The following GLMN variants were observed in gnomAD, a reference collection of about 807,000 sequenced individuals.
GLMN encodes the protein glomulin.
In GLMN, 75 loss-of-function variants were observed where a neutral mutation model predicts 87.8. The observed-to-expected ratio is 0.85, with a 90% CI of 0.71 to 1.04. GLMN has a LOEUF of 1.04. GLMN is among the 50% of genes least tolerant of loss of function. GLMN has a pLI of 0.00. For synonymous variants in GLMN, 206 were observed against 221.6 expected (o/e 0.93, Z 0.63); for missense variants, 588 against 658.8 (o/e 0.89, Z 1.18).
chr1:92,287,199 A>G (rs983497600), intron 6 of GLMN, among the ~76,000 whole-genome samples: 12 of 152,212 alleles, frequency 7.9e-5, no homozygotes, highest in Non-Finnish European at 1.6e-4. Flanking sequence ...TCATTAGTTC[A>G]AAGAAAAAAT....
chr1:92,285,165 G>T (rs1648577159), intron 7 of GLMN, among the ~76,000 whole-genome samples: 2 of 152,172 alleles, frequency 1.3e-5, no homozygotes, highest in Non-Finnish European at 2.9e-5. Context: ...ACATGCACAT[G>T]TGTGTTTCTT....
At chr1:92,259,608 G>A (rs1415866636) in intron 16 of GLMN, among the ~76,000 whole-genome samples, 2 of 151,868 alleles carry the variant, frequency 1.3e-5, no homozygotes, top group African/African-American at 4.8e-5. Flanking sequence ...CTTTTCATCT[G>A]ACTAATTACC....
chr1:92,263,727 T>C lies in GLMN; in HGVS notation c.1305A>G (p.Thr435=), dbSNP rs778312099. The C allele has an allele frequency of 2.1e-5, 32 of 1,546,150 alleles. No homozygotes were observed. The Middle Eastern group carries it at 8.4e-4, about 41-fold the overall frequency. Residue 435 remains threonine, a synonymous_variant, in exon 15 of 19, where the codon ACA becomes ACG. Transcript: ENST00000370360. ...GTCCTGTAAACCATTTGTTGTTACG[T>C]GTTCTCTGAAAAGCAAACGAAAAAT... The part of the protein sequence containing the change: ...KNQIDMSLKR[T]RNNKWFTGPQ...
the GLMN span, chr1:92,304,118 T>C: frequency 1.4e-6 from 2 of 1,415,554 alleles, no homozygotes; most frequent in East Asian, 4.6e-5. Flanking sequence ...TTTATTATTT[T>C]CATTTAGCAA....
chr1:92,282,497 C>T (rs771642986), intron 7 of GLMN, among the ~76,000 whole-genome samples: 3 of 152,148 alleles, frequency 2.0e-5, no homozygotes, highest in Non-Finnish European at 4.4e-5. Flanking sequence ...AAATTTATAG[C>T]ACTAAATGCC....
chr1:92,362,016 C>T, the GLMN span, among the ~76,000 whole-genome samples: 1 of 152,166 alleles, frequency 6.6e-6, no homozygotes, highest in Non-Finnish European at 1.5e-5. Flanking sequence ...GAATTGGAAG[C>T]ATTTATCAAA....
intron 16 of GLMN, among the ~76,000 whole-genome samples, chr1:92,251,164 A>C (rs1194396742): frequency 1.3e-5 from 2 of 152,204 alleles, no homozygotes; most frequent in African/African-American, 4.8e-5. Flanking sequence ...AAAGAAGAAC[A>C]AAGTTGGCAG....
the GLMN span, among the ~76,000 whole-genome samples, chr1:92,367,950 T>C: frequency 1.3e-5 from 2 of 152,236 alleles, no homozygotes; most frequent in Admixed American, 1.3e-4. Context: ...AAGTCAGGTT[T>C]GCAGCTATCT....
At chr1:92,349,076 G>A in the GLMN span, among the ~76,000 whole-genome samples, 1 of 152,048 alleles carries the variant, frequency 6.6e-6, no homozygotes, top group South Asian at 2.1e-4. Flanking sequence ...GGCATACATG[G>A]GTGTATGTCT....
chr1:92,260,566 G>C (rs1316519647), intron 16 of GLMN, among the ~76,000 whole-genome samples: 1 of 151,710 alleles, frequency 6.6e-6, no homozygotes, highest in Non-Finnish European at 1.5e-5. Flanking sequence ...AGTGAGCAGA[G>C]ATCGTGCCAC....
chr1:92,311,315 C>T, the GLMN span, among the ~76,000 whole-genome samples: 1 of 152,020 alleles, frequency 6.6e-6, no homozygotes, highest in African/African-American at 2.4e-5. Flanking sequence ...TTAGTCATTG[C>T]TACTATAGAG....
At chr1:92,321,645 C>G in the GLMN span, among the ~76,000 whole-genome samples, 1 of 151,970 alleles carries the variant, frequency 6.6e-6, no homozygotes, top group Non-Finnish European at 1.5e-5. Context: ...TCATCTTATT[C>G]AAATCTAATC....
At chr1:92,311,446 A>G in the GLMN span, among the ~76,000 whole-genome samples, 282 of 152,372 alleles carry the variant, frequency 1.9e-3, no homozygotes, top group African/African-American at 6.4e-3. Flanking sequence ...GAATAAAGTT[A>G]CTGACTTTAA....
At chr1:92,292,261 A>G (rs1459455582) in intron 3 of GLMN, among the ~76,000 whole-genome samples, 2 of 102,256 alleles carry the variant, frequency 2.0e-5, no homozygotes, top group African/African-American at 9.2e-5. Context: ...CTTTAAAAGC[A>G]CGGTGGTTGG....
the GLMN span, among the ~76,000 whole-genome samples, chr1:92,305,057 C>T: frequency 6.6e-6 from 1 of 151,886 alleles, no homozygotes; most frequent in Admixed American, 6.6e-5. Context: ...ATCGCATGAA[C>T]CTGGGAGGCA....
chr1:92,248,982 T>G (rs1189516937), intron 16 of GLMN, among the ~76,000 whole-genome samples: 1 of 152,150 alleles, frequency 6.6e-6, no homozygotes, highest in Non-Finnish European at 1.5e-5. Context: ...ATGATTCTAC[T>G]GCAGATGTTT....
upstream of GLMN, chr1:92,299,122 C>T (rs550520312): frequency 4.6e-6 from 7 of 1,522,368 alleles, no homozygotes; most frequent in South Asian, 7.5e-5. Context: ...GGCCGGGGCT[C>T]CCCGCTGCTC....
At position 92,253,626 on chromosome 1, in the gene GLMN, C is replaced by T. The variant is rs555253820; in HGVS notation, c.1474-5637G>A. On this transcript the variant is annotated intron_variant, in intron 16 of 18. Transcript: ENST00000370360. ...CCTCCAATGGTGATACCCGGGCAAA[C>T]AGGGTCTGGAGTGGACCCCCAGCAA... 2.0e-5 allele frequency among the ~76,000 whole-genome samples: 3 copies of T among 152,312 alleles called. No individual in the cohort carries two copies. The South Asian group carries it at 6.2e-4, about 32-fold the overall frequency.
At chr1:92,278,769 C>G (rs549816134) in intron 7 of GLMN, among the ~76,000 whole-genome samples, 2 of 152,086 alleles carry the variant, frequency 1.3e-5, no homozygotes, top group Non-Finnish European at 2.9e-5. Context: ...CCAAGGTCAC[C>G]CCATCACATG....
Sources: allele counts gnomAD v4.1 joint callset (sites outside exome capture counted in the v4.1 genomes callset), GRCh38; gene constraint gnomAD v4.1.1; transcripts MANE v1.5; gene names NCBI Gene and HGNC (gene_info 2026-07-23, HGNC 2026-07-21).